FOXN4: variants seen among roughly 807,000 people sequenced by gnomAD.
FOXN4 encodes the protein forkhead box N4, also known as forkhead box protein N4.
Under a neutral mutation model 45.0 loss-of-function variants are expected in FOXN4, and 12 were observed. The observed-to-expected ratio is 0.27, with a 90% confidence interval of 0.17 to 0.43. FOXN4 has a LOEUF of 0.43. FOXN4 is among the 20% of genes least tolerant of loss of function. The pLI is 1.00. For missense variants in FOXN4, 560 were observed against 694.9 expected (o/e 0.81, Z 2.18); for synonymous variants, 297 against 295.0 (o/e 1.01, Z -0.07).
At chr12:109,282,050 T>C (rs2047658594) in intron 8 of FOXN4, among the ~76,000 whole-genome samples, 1 of 152,256 alleles carries the variant, frequency 6.6e-6, no homozygotes, top group South Asian at 2.1e-4. Context: ...TGGGTGTCAA[T>C]ATTTTATTAT....
At chr12:109,304,259 GAA>G (rs1286569218) in intron 2 of FOXN4, among the ~76,000 whole-genome samples, 28 of 91,656 alleles carry the variant, frequency 3.1e-4, no homozygotes, top group African/African-American at 1.4e-3. Context: ...AAGAAAGAAA[GAA>G]AGAAAGAAAG....
chr12:109,281,846 C>G (rs201890295), intron 8 of FOXN4, 47 bp from the exon 9 acceptor site: 3 of 1,510,130 alleles, frequency 2.0e-6, no homozygotes, highest in Non-Finnish European at 2.6e-6. Flanking sequence ...CAGCAGTTAC[C>G]GGGCCCCAGC....
At position 109,290,346 on chromosome 12, in the gene FOXN4, G is replaced by A; in HGVS notation, c.87-60C>T. ...GGAGCTTAGGCCAGCTCCTGGGGGT[G>A]CGTCCCGACCTCTGGAAGCACCCGC... On this transcript the variant is annotated intron_variant, in intron 2 of 9. Transcript: ENST00000299162. The surrounding 1 kb of genome is among the most constrained non-coding windows in gnomAD (Gnocchi z 5.1). The A allele has an allele frequency of 1.3e-6, 2 of 1,485,164 alleles. No homozygotes were observed. Among genetic ancestry groups the A allele is most frequent in the Non-Finnish European group, 1.8e-6 (2 of 1,111,780 alleles). The allele number at this position is 1,485,164 out of a possible 1,614,324, so 92.0% of individuals were successfully genotyped here.
chr12:109,292,751 C>T (rs1441706200), intron 2 of FOXN4, among the ~76,000 whole-genome samples: 1 of 152,186 alleles, frequency 6.6e-6, no homozygotes, highest in Admixed American at 6.5e-5. Context: ...TACCACTAAA[C>T]ACGCCCATGT....
At chr12:109,296,209 C>T (rs933124056) in intron 2 of FOXN4, among the ~76,000 whole-genome samples, 1 of 152,222 alleles carries the variant, frequency 6.6e-6, no homozygotes, top group Non-Finnish European at 1.5e-5. Context: ...CTGCAATTAA[C>T]GCATCCCCCA....
At chr12:109,293,901 C>T (rs548337123) in intron 2 of FOXN4, among the ~76,000 whole-genome samples, 1 of 152,316 alleles carries the variant, frequency 6.6e-6, no homozygotes, top group South Asian at 2.1e-4. Context: ...AGGTCCTTGC[C>T]ACAGTCCCAG....
At chr12:109,302,931 T>C (rs7978046) in intron 2 of FOXN4, among the ~76,000 whole-genome samples, 5,786 of 152,312 alleles carry the variant, frequency 0.038, 304 homozygotes, top group East Asian at 0.15. Context: ...TGGAGGTGTT[T>C]ATTTAGCTAA....
rs995297119 is a variant in FOXN4 at position 109,286,733 on chromosome 12, G to C, written c.608C>G (p.Ala203Gly). The C allele has an allele frequency of 6.2e-7, 1 of 1,606,328 alleles. No individual in the cohort carries two copies. Among genetic ancestry groups the C allele is most frequent in the Non-Finnish European group, 8.5e-7 (1 of 1,179,632 alleles). The change falls in exon 7 of 10, where the codon GCC (alanine) becomes GGC (glycine). Residue 203 changes from alanine (A) to glycine (G), a missense_variant. Physicochemically the swap from Ala to Gly is moderately conservative, Grantham distance 60. Around this residue, in one of 5 missense-constraint regions of FOXN4, gnomAD observed 39 missense variants for 81.7 expected, o/e 0.48. Coordinates refer to ENST00000299162, the MANE Select transcript of FOXN4 (RefSeq NM_213596.3). ...TGTCTTGCTGTTCTTCAGGGCCATG[G>C]CGATCAGACAGCTGGGGGCAGGAGG... ...KPIYSYSCLI[A>G]MALKNSKTGS...
chr12:109,284,577 G>A (rs906121836), intron 8 of FOXN4, among the ~76,000 whole-genome samples: 3 of 151,450 alleles, frequency 2.0e-5, no homozygotes, highest in Non-Finnish European at 4.4e-5. Context: ...GCGTGCGTGT[G>A]TGTGTGCGCG....
rs1342937999 is a variant in FOXN4 at position 109,278,653 on chromosome 12, C to A, written c.*1018G>T. The stretch of plus-strand genomic sequence containing the variant: ...CTTAAATCCCAGTACAAAAGCACCC[C>A]CCTCCAGTTCCTCCCTCTCCCATCG... On this transcript the variant is annotated 3_prime_UTR_variant, in exon 10 of 10. Transcript: ENST00000299162. The A allele has an allele frequency of 1.3e-5, 2 of 152,146 alleles. No homozygotes were observed. Among genetic ancestry groups the A allele is most frequent in the Non-Finnish European group, 2.9e-5 (2 of 68,046 alleles). The allele number at this position is 152,146 out of a possible 1,614,324, so 9.4% of individuals were successfully genotyped here.
chr12:109,298,914 G>C (rs1307953895), intron 2 of FOXN4, among the ~76,000 whole-genome samples: 3 of 152,196 alleles, frequency 2.0e-5, no homozygotes, highest in Non-Finnish European at 4.4e-5. Context: ...TCACTGTGTA[G>C]ACAGTGGGAA....
chr12:109,278,053 G>A lies in FOXN4; in HGVS notation c.*1618C>T, dbSNP rs1043408462. 1 of 152,230 alleles carries A rather than the reference G, an allele frequency of 6.6e-6. No individual in the cohort carries two copies. Among genetic ancestry groups the A allele is most frequent in the Admixed American group, 6.5e-5 (1 of 15,284 alleles). 9.4% of individuals were successfully genotyped at this position (152,230 alleles called of 1,614,324 possible). A position where few individuals can be genotyped will look rare whatever the true frequency, so the allele number is the denominator to read the frequency against. On this transcript the variant is annotated 3_prime_UTR_variant, in exon 10 of 10. Transcript: ENST00000299162. ...AGTCTTGATGTTGCCCAAACACGGA[G>A]TCTTTGTGAATAACAGTTTCAACAT... is the stretch of plus-strand genomic sequence containing the variant.
At position 109,287,705 on chromosome 12, in the gene FOXN4, G is replaced by C. The variant is rs1028809631; in HGVS notation, c.468+139C>G. ...GGCAGGAGTTTTGGGGGAACGGAAT[G>C]AATGACCCCATGACATGAGCATGGA... On this transcript the variant is annotated intron_variant, in intron 5 of 9. Coordinates refer to ENST00000299162, the MANE Select transcript of FOXN4 (RefSeq NM_213596.3). The surrounding 1 kb of genome is among the most constrained non-coding windows in gnomAD (Gnocchi z 4.1). 1 of 1,119,874 alleles carries C rather than the reference G, an allele frequency of 8.9e-7. No homozygotes were observed. The highest frequency in any genetic ancestry group is 1.6e-5 in the South Asian group (1 of 61,146). 69.4% of individuals were successfully genotyped at this position (1,119,874 alleles called of 1,614,324 possible).
intron 8 of FOXN4, among the ~76,000 whole-genome samples, chr12:109,282,749 T>A (rs140786862): frequency 6.6e-6 from 1 of 152,194 alleles, no homozygotes; most frequent in African/African-American, 2.4e-5. Context: ...TATTTTTGAT[T>A]AATGGCTATG....
At position 109,287,912 on chromosome 12, in the gene FOXN4, G is replaced by C; in HGVS notation, c.400C>G (p.Gln134Glu). The C allele has an allele frequency of 6.5e-7, 1 of 1,549,594 alleles. No homozygotes were observed. The highest frequency in any genetic ancestry group is 8.7e-7 in the Non-Finnish European group (1 of 1,146,806). The change falls in exon 5 of 10, where the codon CAG (glutamine) becomes GAG (glutamate). Residue 134 changes from glutamine to glutamate, a missense_variant. This residue lies in a region of FOXN4 where 142 missense variants were observed against 185.7 expected (regional missense o/e 0.76). Coordinates refer to ENST00000299162, the MANE Select transcript of FOXN4 (RefSeq NM_213596.3). This position sits in a 1 kb window ranked among gnomAD's most constrained non-coding sequence, Gnocchi z 4.1. ...PVGGQPSSGL[Q>E]DPPHLYSPAT... ...GGTGAGTACAGATGCGGCGGGTCCT[G>C]CAGGCCAGATGAGGGCTGGCCCCCC...
chr12:109,304,285 AAGAAAGAAAGG>A (rs2047899515), intron 2 of FOXN4, among the ~76,000 whole-genome samples: 5 of 57,326 alleles, frequency 8.7e-5, no homozygotes, highest in East Asian at 3.4e-4. Flanking sequence ...GAAAGAAAGA[AAGAAAGAAAGG>A]AGAAAGAAAG....
At chr12:109,285,210 G>T in intron 8 of FOXN4, 94 bp downstream of exon 8, 1 of 1,476,802 alleles carries the variant, frequency 6.8e-7, no homozygotes, top group African/African-American at 1.4e-5. Context: ...GGTTGGCCAT[G>T]CTCTGGTGGA....
Position 109,279,197 on chromosome 12 carries a change from A to G in FOXN4, c.*474T>C, listed in dbSNP as rs1006788564. The G allele has an allele frequency of 1.6e-5, 3 of 188,618 alleles. No homozygotes were observed. The highest frequency in any genetic ancestry group is 5.3e-5 in the Admixed American group (1 of 18,728). 11.7% of individuals were successfully genotyped at this position (188,618 alleles called of 1,614,324 possible). On this transcript the variant is annotated 3_prime_UTR_variant, in exon 10 of 10. Coordinates refer to ENST00000299162, the MANE Select transcript of FOXN4 (RefSeq NM_213596.3). ...TTCCCGCCCTGGGCCTGTCCCCCGGAGGCTGCGGCTGAGGTTTGATCCACT... is the reference window on the plus strand; with the variant it reads ...TTCCCGCCCTGGGCCTGTCCCCCGGGGGCTGCGGCTGAGGTTTGATCCACT...
intron 2 of FOXN4, among the ~76,000 whole-genome samples, chr12:109,307,491 C>T (rs538744544): frequency 2.0e-5 from 3 of 152,252 alleles, no homozygotes; most frequent in Admixed American, 6.5e-5. Flanking sequence ...CAAGCCCTTT[C>T]CCCTTTCTTG....
Sources: gnomAD v4.1 joint callset for allele counts (sites outside exome capture counted in the v4.1 genomes callset) on GRCh38, gnomAD v4.1.1 for gene constraint, gnomAD v4.1.1 regional missense constraint, Gnocchi (gnomAD v3.1) non-coding constraint, MANE v1.5 for transcripts, NCBI Gene and HGNC (gene_info 2026-07-23, HGNC 2026-07-21) for gene names.